C1GALT1: variants seen among roughly 807,000 people sequenced by gnomAD.
C1GALT1 encodes core 1 synthase, glycoprotein-N-acetylgalactosamine 3-beta-galactosyltransferase 1.
C1GALT1 carries 11 observed loss-of-function variants against 31.0 expected under a neutral mutation model. The observed-to-expected ratio is 0.36, with a 90% CI of 0.22 to 0.59. The LOEUF (loss-of-function observed/expected upper bound fraction) is 0.59. C1GALT1 is among the 20% of genes least tolerant of loss of function. C1GALT1 has a pLI of 0.79. For missense variants in C1GALT1, 424 were observed against 425.2 expected, an observed-to-expected ratio of 1.00 and a Z score of 0.03; for synonymous variants, 175 against 143.6, an observed-to-expected ratio of 1.22 and a Z score of -1.56.
intron 2 of C1GALT1, among the ~76,000 whole-genome samples, chr7:7,170,004 G>A (rs1780436755): frequency 6.6e-6 from 1 of 152,078 alleles, no homozygotes; most frequent in African/African-American, 2.4e-5. Flanking sequence ...TTGTTGGGAG[G>A]TTTTTGATCA....
At chr7:7,233,648 G>C (rs948457751) in intron 1 of C1GALT1, among the ~76,000 whole-genome samples, 17 of 152,202 alleles carry the variant, frequency 1.1e-4, no homozygotes, top group Non-Finnish European at 4.4e-5. Context: ...TCACTCTGCT[G>C]TTTTAGGGCA....
chr7:7,173,190 G>A (rs1357565939), intron 2 of C1GALT1, among the ~76,000 whole-genome samples: 1 of 152,054 alleles, frequency 6.6e-6, no homozygotes, highest in Non-Finnish European at 1.5e-5. Context: ...TTGGTAATAA[G>A]TGAGTTCTTG....
chr7:7,234,670 C>G, intron 2 of C1GALT1, 131 bp downstream of exon 2: 2 of 660,324 alleles, frequency 3.0e-6, no homozygotes, highest in Non-Finnish European at 2.5e-6. Context: ...TGGTTTGCCT[C>G]AAGAGAAGGG....
intron 2 of C1GALT1, among the ~76,000 whole-genome samples, chr7:7,171,564 G>C (rs1448206201): frequency 6.6e-6 from 1 of 152,012 alleles, no homozygotes; most frequent in Non-Finnish European, 1.5e-5. Flanking sequence ...TGAGTGAATA[G>C]TTTAATCCAT....
intron 1 of C1GALT1, among the ~76,000 whole-genome samples, chr7:7,192,805 T>A (rs1781132237): frequency 6.6e-6 from 1 of 152,140 alleles, no homozygotes; most frequent in Admixed American, 6.6e-5. Flanking sequence ...ACCACATTGA[T>A]GCCAACATCT....
In C1GALT1 at chr7:7,193,429, C is replaced by T. The variant is rs61498285; in HGVS notation, c.-18+10609C>T. Among the ~76,000 whole-genome samples, 7 of 152,014 alleles carry T rather than the reference C, an allele frequency of 4.6e-5. No individual in the cohort carries two copies. In the South Asian group the frequency reaches 1.0e-3, roughly 22 times the overall value. ...AATAGGGTGTCCTTTCCCCACTTTA[C>T]GTTTGTGTTTGCTTTGTCAAAGATC... On this transcript the variant is annotated intron_variant, in intron 1 of 3. Transcript: ENST00000436587.
At chr7:7,194,339 G>C (rs1301381330) in intron 1 of C1GALT1, among the ~76,000 whole-genome samples, 1 of 152,058 alleles carries the variant, frequency 6.6e-6, no homozygotes, top group Middle Eastern at 3.4e-3. Flanking sequence ...TTACCTTAAG[G>C]CATCTCCTTT....
chr7:7,227,795 G>A (rs909950608), intron 1 of C1GALT1, among the ~76,000 whole-genome samples: 3 of 151,872 alleles, frequency 2.0e-5, no homozygotes, highest in African/African-American at 4.8e-5. Context: ...GCCATGTGAT[G>A]CTCTGTGCCA....
At chr7:7,209,042 T>C (rs1030447255) in intron 1 of C1GALT1, among the ~76,000 whole-genome samples, 6 of 152,352 alleles carry the variant, frequency 3.9e-5, no homozygotes, top group African/African-American at 1.4e-4. Flanking sequence ...TACTCTACTG[T>C]CATCCAAGAA....
At chr7:7,191,611 C>G (rs1313593021) in intron 1 of C1GALT1, among the ~76,000 whole-genome samples, 3 of 152,048 alleles carry the variant, frequency 2.0e-5, no homozygotes, top group Non-Finnish European at 4.4e-5. Flanking sequence ...TACAAGGGTT[C>G]CAGTTTCTCC....
intron 2 of C1GALT1, among the ~76,000 whole-genome samples, chr7:7,236,449 A>C (rs1411707285): frequency 2.0e-5 from 3 of 152,158 alleles, no homozygotes; most frequent in Non-Finnish European, 4.4e-5. Context: ...TTTCTGACTG[A>C]AAGTAGGGTG....
intron 1 of C1GALT1, among the ~76,000 whole-genome samples, chr7:7,202,650 T>C (rs867052663): frequency 6.6e-5 from 10 of 152,212 alleles, no homozygotes; most frequent in Admixed American, 6.5e-5. Context: ...TTGAAATCAG[T>C]AAGTATGAGT....
rs1446938714 is a variant in C1GALT1 at position 7,234,121 on chromosome 7, T to G, written c.-17-182T>G. 11 of 586,254 alleles carry G rather than the reference T, an allele frequency of 1.9e-5. No individual in the cohort carries two copies. In the East Asian group the frequency reaches 2.9e-4, roughly 15 times the overall value. The allele number at this position is 586,254 out of a possible 1,614,324, so 36.3% of individuals were successfully genotyped here. On this transcript the variant is annotated intron_variant, in intron 1 of 3. Transcript: ENST00000436587. ...ACTGTGACTGTCCTACTAATTAATCTGGTTTTATGGATTTTCCATAATGTG... is the reference window on the plus strand; with the variant it reads ...ACTGTGACTGTCCTACTAATTAATCGGGTTTTATGGATTTTCCATAATGTG...
chr7:7,188,367 G>T (rs1242165677), intron 1 of C1GALT1, among the ~76,000 whole-genome samples: 1 of 152,160 alleles, frequency 6.6e-6, no homozygotes, highest in Non-Finnish European at 1.5e-5. Flanking sequence ...TATGGTCCAG[G>T]TGGAAGTATT....
intron 2 of C1GALT1, among the ~76,000 whole-genome samples, chr7:7,164,423 C>T (rs1295810890): frequency 1.3e-5 from 2 of 152,094 alleles, no homozygotes; most frequent in African/African-American, 2.4e-5. Context: ...TAAAAAGGAG[C>T]TTGGATTTCA....
intron 2 of C1GALT1, among the ~76,000 whole-genome samples, chr7:7,164,643 C>T (rs984337836): frequency 3.3e-5 from 5 of 152,096 alleles, no homozygotes; most frequent in African/African-American, 9.7e-5. Context: ...TCAGTCAACC[C>T]GACGAGGAAC....
intron 1 of C1GALT1, among the ~76,000 whole-genome samples, chr7:7,191,139 C>T (rs1781053929): frequency 6.6e-6 from 1 of 152,104 alleles, no homozygotes; most frequent in Non-Finnish European, 1.5e-5. Context: ...AACGATAGCT[C>T]TCCATTCTCA....
chr7:7,166,165 A>C (rs778631017), intron 2 of C1GALT1, among the ~76,000 whole-genome samples: 4 of 152,166 alleles, frequency 2.6e-5, no homozygotes, highest in Non-Finnish European at 5.9e-5. Context: ...ACTCAGGGAG[A>C]ATAATTAGGT....
At chr7:7,207,737 G>C (rs35999583) in intron 1 of C1GALT1, among the ~76,000 whole-genome samples, 17,825 of 149,876 alleles carry the variant, frequency 0.12, 1,145 homozygotes, top group East Asian at 0.32. Context: ...ATTTAATGTG[G>C]TAATTCTGGA....
Sources: gnomAD v4.1 joint callset for allele counts (sites outside exome capture counted in the v4.1 genomes callset) on GRCh38, gnomAD v4.1.1 for gene constraint, MANE v1.5 for transcripts, NCBI Gene and HGNC (gene_info 2026-07-23, HGNC 2026-07-21) for gene names.